FRMD5: variants seen among roughly 807,000 people sequenced by gnomAD.
FRMD5 encodes FERM domain-containing protein 5.
A neutral mutation model predicts 69.0 loss-of-function variants in FRMD5; 20 were observed. The observed-to-expected ratio is 0.29, with a 90% CI of 0.20 to 0.42. The LOEUF is 0.42. Ranked by LOEUF, FRMD5 falls within the 10% of genes least tolerant of loss-of-function variation. The pLI is 1.00. For synonymous variants in FRMD5, 271 were observed against 260.1 expected (o/e 1.04, Z -0.40); for missense variants, 595 against 708.6 (o/e 0.84, Z 1.82).
chr15:44,194,134 G>A lies in FRMD5; in HGVS notation c.102+819C>T, dbSNP rs374082461. The A allele has an allele frequency of 3.3e-5, 5 of 152,302 alleles. No homozygotes were observed. The East Asian group carries it at 7.7e-4, about 23-fold the overall frequency. The allele number at this position is 152,302 out of a possible 1,614,324, so 9.4% of individuals were successfully genotyped here. A position where few individuals can be genotyped will look rare whatever the true frequency, so the allele number is the denominator to read the frequency against. ...CCCGGGAAAGACTACTACTCCTGAC[G>A]TGCACACAGCAGTAGCGAAGGAACA... On this transcript the variant is annotated intron_variant, in intron 1 of 13. Transcript: ENST00000417257.
At chr15:44,078,504 C>T (rs551228124) in intron 1 of FRMD5, among the ~76,000 whole-genome samples, 2 of 152,232 alleles carry the variant, frequency 1.3e-5, no homozygotes, top group South Asian at 2.1e-4. Flanking sequence ...ATTGATGTCT[C>T]ACATTTCCTG....
Position 43,957,702 on chromosome 15 carries a change from G to A in FRMD5, c.103-33393C>T, listed in dbSNP as rs181294379. Among the ~76,000 whole-genome samples the A allele has an allele frequency of 1.7e-4, 26 of 152,338 alleles. No individual in the cohort carries two copies. The East Asian group carries it at 4.6e-3, about 27-fold the overall frequency. Reference sequence around the variant, plus strand: ...AACTAAAGTAACACTCCAGTAATGTGCAGTGAAAGCATTATCACTTTTATT... The same window carrying A: ...AACTAAAGTAACACTCCAGTAATGTACAGTGAAAGCATTATCACTTTTATT... On this transcript the variant is annotated intron_variant, in intron 1 of 13. Transcript: ENST00000417257.
chr15:43,875,366 ATATATATATATATAT>A (rs2088310968), intron 13 of FRMD5, among the ~76,000 whole-genome samples: 2 of 79,764 alleles, frequency 2.5e-5, no homozygotes, highest in African/African-American at 4.8e-5. Context: ...AAAAAAAAAT[ATATATATATATATAT>A]ATATATATAT....
At chr15:44,047,558 C>T (rs1030033711) in intron 1 of FRMD5, among the ~76,000 whole-genome samples, 12 of 152,004 alleles carry the variant, frequency 7.9e-5, no homozygotes, top group Admixed American at 7.2e-4. Context: ...AATTCTTTTT[C>T]AAAAATGGAT....
rs537833679 is a variant in FRMD5 at position 43,942,969 on chromosome 15, C to T, written c.103-18660G>A. The stretch of plus-strand genomic sequence containing the variant: ...GAGATGGGGTTTTGCCGGCTGGGCA[C>T]GGTGGCTCACTCCTGTAATCCCAGC... On this transcript the variant is annotated intron_variant, in intron 1 of 13. Coordinates refer to ENST00000417257, the MANE Select transcript of FRMD5 (RefSeq NM_032892.5). Among the ~76,000 whole-genome samples the T allele has an allele frequency of 1.7e-4, 26 of 152,224 alleles. 1 individual carries two copies. In the South Asian group the frequency reaches 4.8e-3, roughly 28 times the overall value.
chr15:44,115,158 T>G (rs2076851385), intron 1 of FRMD5, among the ~76,000 whole-genome samples: 1 of 152,224 alleles, frequency 6.6e-6, no homozygotes, highest in Admixed American at 6.5e-5. Flanking sequence ...GAAAAATGCT[T>G]ATGTTATATA....
At chr15:44,006,174 C>T (rs1890436163) in intron 1 of FRMD5, among the ~76,000 whole-genome samples, 1 of 152,098 alleles carries the variant, frequency 6.6e-6, no homozygotes, top group African/African-American at 2.4e-5. Context: ...TCTAAAAATC[C>T]CAGGATCTTT....
At chr15:43,946,671 C>T (rs16949992) in intron 1 of FRMD5, among the ~76,000 whole-genome samples, 1 of 152,068 alleles carries the variant, frequency 6.6e-6, no homozygotes, top group East Asian at 1.9e-4. Flanking sequence ...GGATCTGGGT[C>T]GTTGAGGGAA....
chr15:43,951,436 GA>G lies in FRMD5; in HGVS notation c.103-27128del, dbSNP rs1278437515. Among the ~76,000 whole-genome samples the G allele has an allele frequency of 2.7e-5, 4 of 145,506 alleles. No homozygotes were observed. The East Asian group carries it at 7.9e-4, about 29-fold the overall frequency. On this transcript the variant is annotated intron_variant, in intron 1 of 13. Coordinates refer to ENST00000417257, the MANE Select transcript of FRMD5 (RefSeq NM_032892.5). Reference sequence around the variant, plus strand: ...GACTCCATCTCAAAAAAAAAAAAAAGAAAAGAAAATATATAATAAATTGCTG... The same window carrying G: ...GACTCCATCTCAAAAAAAAAAAAAAGAAAGAAAATATATAATAAATTGCTG...
intron 1 of FRMD5, among the ~76,000 whole-genome samples, chr15:44,120,800 C>A (rs1467828324): frequency 2.6e-5 from 4 of 151,702 alleles, no homozygotes; most frequent in Non-Finnish European, 4.4e-5. Flanking sequence ...AGTGCTGGGA[C>A]TACAGGCGTG....
chr15:43,952,000 CTGTGTGTGTGTGTGTG>C lies in FRMD5; in HGVS notation c.103-27707_103-27692del, dbSNP rs367759637. ...GTGTGTTGTGTGTGTGTGTGTGTGT[CTGTGTGTGTGTGTGTG>C]TGTGTGTGTGTGTGTGTGTGTGTGT... is the stretch of plus-strand genomic sequence containing the variant. On this transcript the variant is annotated intron_variant, in intron 1 of 13. Transcript: ENST00000417257. 1.6e-4 allele frequency among the ~76,000 whole-genome samples: 20 copies of C among 123,780 alleles called. No homozygotes were observed. The South Asian group carries it at 3.2e-3, about 20-fold the overall frequency. 81.2% of individuals were successfully genotyped at this position (123,780 alleles called of 152,430 possible). A position where few individuals can be genotyped will look rare whatever the true frequency, so the allele number is the denominator to read the frequency against.
Position 43,871,805 on chromosome 15 carries a change from C to T in FRMD5, c.*2080G>A, listed in dbSNP as rs2140322071. 6.6e-6 allele frequency: 1 copy of T among 152,346 alleles called. No homozygotes were observed. The highest frequency in any genetic ancestry group is 2.1e-4 in the South Asian group (1 of 4,828). 9.4% of individuals were successfully genotyped at this position (152,346 alleles called of 1,614,324 possible). A position where few individuals can be genotyped will look rare whatever the true frequency, so the allele number is the denominator to read the frequency against. On this transcript the variant is annotated 3_prime_UTR_variant, in exon 14 of 14. Coordinates refer to ENST00000417257, the MANE Select transcript of FRMD5 (RefSeq NM_032892.5). Reference sequence around the variant, plus strand: ...CCAGTATTTGATCTTGCCCATTTGGCATCAGACATCTCTTTGCTGGTTAGT... The same window carrying T: ...CCAGTATTTGATCTTGCCCATTTGGTATCAGACATCTCTTTGCTGGTTAGT...
chr15:43,968,651 T>C (rs1440318101), intron 1 of FRMD5, among the ~76,000 whole-genome samples: 1 of 152,238 alleles, frequency 6.6e-6, no homozygotes, highest in Non-Finnish European at 1.5e-5. Context: ...TACTTTATTC[T>C]ACTATGTATG....
At chr15:44,148,752 A>T (rs748228901) in intron 1 of FRMD5, among the ~76,000 whole-genome samples, 14 of 152,260 alleles carry the variant, frequency 9.2e-5, no homozygotes, top group Non-Finnish European at 1.6e-4. Flanking sequence ...AAACTATAGT[A>T]TAGCATAAAC....
In FRMD5 at chr15:44,016,839, A is replaced by ATT. The variant is rs35670937; in HGVS notation, c.103-92532_103-92531dup. On this transcript the variant is annotated intron_variant, in intron 1 of 13. Transcript: ENST00000417257. ...AATAATAACTGTTGTAGTTCACATAATTTTTTTTTTTTTGAGACAGGGTCT... is the reference window on the plus strand; with the variant it reads ...AATAATAACTGTTGTAGTTCACATAATTTTTTTTTTTTTTTGAGACAGGGTCT... Among the ~76,000 whole-genome samples, 265 of 147,420 alleles carry ATT rather than the reference A, an allele frequency of 1.8e-3. 1 individual carries two copies. Among genetic ancestry groups the ATT allele is most frequent in the East Asian group, 1.8e-3 (9 of 5,058 alleles).
At chr15:44,053,464 T>C (rs1312588143) in intron 1 of FRMD5, among the ~76,000 whole-genome samples, 1 of 152,186 alleles carries the variant, frequency 6.6e-6, no homozygotes, top group Non-Finnish European at 1.5e-5. Context: ...CTAGTATTTT[T>C]ACTGGAATAG....
intron 1 of FRMD5, among the ~76,000 whole-genome samples, chr15:44,112,079 G>A (rs1403591625): frequency 2.0e-5 from 3 of 152,062 alleles, no homozygotes; most frequent in African/African-American, 4.8e-5. Flanking sequence ...TCCTGACCTC[G>A]TGATCCGCCC....
chr15:43,889,885 C>CT (rs1348472850), intron 8 of FRMD5, among the ~76,000 whole-genome samples: 13 of 152,072 alleles, frequency 8.5e-5, no homozygotes, highest in South Asian at 2.1e-4. Flanking sequence ...TTGGCTGCTG[C>CT]TTTTTTTTGT....
intron 1 of FRMD5, among the ~76,000 whole-genome samples, chr15:44,140,754 G>A (rs1256250764): frequency 6.6e-6 from 1 of 151,562 alleles, no homozygotes; most frequent in Non-Finnish European, 1.5e-5. Flanking sequence ...ACAGTGGCAC[G>A]TGCCTGTGGT....
Sources: allele counts gnomAD v4.1 joint callset (sites outside exome capture counted in the v4.1 genomes callset), GRCh38; gene constraint gnomAD v4.1.1; transcripts MANE v1.5; gene names NCBI Gene and HGNC (gene_info 2026-07-23, HGNC 2026-07-21).